ATP10D: variants seen among roughly 807,000 people sequenced by gnomAD.
The protein encoded by ATP10D is ATPase phospholipid transporting 10D (putative).
ATP10D carries 89 observed loss-of-function variants against 144.8 expected under a neutral mutation model. The ratio of observed to expected loss-of-function variants is 0.61; its 90% confidence interval spans 0.52 to 0.73. The LOEUF (loss-of-function observed/expected upper bound fraction) is 0.73, where lower values mean the gene tolerates loss of function less well. Ranked by LOEUF, ATP10D falls within the 30% of genes least tolerant of loss-of-function variation. The probability of loss-of-function intolerance (pLI) is 0.00; values close to 1 mark genes in which losing one functional copy is unlikely to be tolerated. For missense variants in ATP10D, 1,603 were observed against 1,714.8 expected, an observed-to-expected ratio of 0.93 and a Z score of 1.15; for synonymous variants, 571 against 615.1, an observed-to-expected ratio of 0.93 and a Z score of 1.06.
At position 47,525,621 on chromosome 4, in the gene ATP10D, T is replaced by C; in HGVS notation, c.755T>C (p.Leu252Pro). The C allele has an allele frequency of 1.2e-6, 2 of 1,613,216 alleles. No individual in the cohort carries two copies. Among genetic ancestry groups the C allele is most frequent in the Non-Finnish European group, 8.5e-7 (1 of 1,179,232 alleles). The change falls in exon 5 of 23, where the codon CTC (leucine) becomes CCC (proline). Residue 252 changes from leucine to proline, a missense_variant. Transcript: ENST00000273859. ...GAATGTGAAAGCCCAAACAATGACC[T>C]CAGCAGATTCCGAGGCTTCCTGTGA... ...RIECESPNND[L>P]SRFRGFLEHS... is the part of the protein sequence containing the mutation.
intron 9 of ATP10D, among the ~76,000 whole-genome samples, 180 bp from the exon 10 acceptor site, chr4:47,546,444 T>C (rs985115820): frequency 1.3e-5 from 2 of 152,144 alleles, no homozygotes; most frequent in Non-Finnish European, 2.9e-5. Flanking sequence ...TTTGATCTGA[T>C]TGCTTCTCAG....
At chr4:47,506,649 A>AGATTACTGAGGATAGTAGAGTATCT (rs1716034461) in intron 1 of ATP10D, among the ~76,000 whole-genome samples, 1 of 152,210 alleles carries the variant, frequency 6.6e-6, no homozygotes, top group South Asian at 2.1e-4. Flanking sequence ...TAAGGACAGC[A>AGATTACTGAGGATAGTAGAGTATCT]GATTACTGAG....
intron 1 of ATP10D, among the ~76,000 whole-genome samples, chr4:47,493,616 C>G (rs1428011221): frequency 6.6e-6 from 1 of 152,168 alleles, no homozygotes; most frequent in Non-Finnish European, 1.5e-5. Flanking sequence ...TATGAATGAG[C>G]ATCTGCATTC....
intron 10 of ATP10D, among the ~76,000 whole-genome samples, chr4:47,552,020 T>C (rs1718756179): frequency 1.3e-5 from 2 of 152,224 alleles, no homozygotes. Context: ...CCTTAAATCT[T>C]CTGGGCTCTT....
In ATP10D at chr4:47,514,894, T is replaced by TG. The variant is rs999216642; in HGVS notation, c.291-582_291-581insG. Among the ~76,000 whole-genome samples, 17 of 72,532 alleles carry TG rather than the reference T, an allele frequency of 2.3e-4. No homozygotes were observed. The Admixed American group carries it at 2.9e-3, about 12-fold the overall frequency. The allele number at this position is 72,532 out of a possible 152,430, so 47.6% of individuals were successfully genotyped here. On this transcript the variant is annotated intron_variant, in intron 2 of 22. Coordinates refer to ENST00000273859, the MANE Select transcript of ATP10D (RefSeq NM_020453.4). The stretch of plus-strand genomic sequence containing the variant: ...AAGAAAATAGTATTTTCTCTTGTGC[T>TG]TTTTTCTATTTTTTTATTGTGCTCA...
At chr4:47,489,714 C>G (rs888544023) in intron 1 of ATP10D, among the ~76,000 whole-genome samples, 8 of 152,142 alleles carry the variant, frequency 5.3e-5, no homozygotes, top group African/African-American at 1.9e-4. Flanking sequence ...CTGATGAGAA[C>G]ATTTGGATTA....
chr4:47,571,697 G>A (rs1719961720), intron 16 of ATP10D, among the ~76,000 whole-genome samples: 1 of 152,108 alleles, frequency 6.6e-6, no homozygotes, highest in African/African-American at 2.4e-5. Context: ...GAGATACATA[G>A]GGTGGTGCTG....
chr4:47,513,473 C>A (rs1212431440), intron 2 of ATP10D, among the ~76,000 whole-genome samples: 2 of 151,936 alleles, frequency 1.3e-5, no homozygotes, highest in Non-Finnish European at 2.9e-5. Context: ...ATGAAAGCCT[C>A]AAAAAGAGAA....
intron 1 of ATP10D, among the ~76,000 whole-genome samples, chr4:47,489,060 G>A (rs1037584136): frequency 6.6e-6 from 1 of 152,142 alleles, no homozygotes. Flanking sequence ...CAGCCCAAAT[G>A]GACTAAGACG....
chr4:47,573,988 T>C (rs570204742), intron 18 of ATP10D, among the ~76,000 whole-genome samples: 1 of 152,304 alleles, frequency 6.6e-6, no homozygotes, highest in Admixed American at 6.5e-5. Flanking sequence ...TCAGATACTT[T>C]AGGAAAATAT....
intron 4 of ATP10D, among the ~76,000 whole-genome samples, chr4:47,523,693 A>G (rs1347948479): frequency 6.6e-6 from 1 of 152,218 alleles, no homozygotes; most frequent in Non-Finnish European, 1.5e-5. Flanking sequence ...TTACTGTGAG[A>G]CTTTGGACAA....
chr4:47,526,841 C>G (rs1420990349), intron 5 of ATP10D, among the ~76,000 whole-genome samples: 18 of 152,176 alleles, frequency 1.2e-4, no homozygotes, highest in Non-Finnish European at 2.2e-4. Flanking sequence ...CCACTAAACA[C>G]TAGTGAAACA....
chr4:47,485,842 C>CA (rs10622735), intron 1 of ATP10D, among the ~76,000 whole-genome samples: 1 of 11,546 alleles, frequency 8.7e-5, no homozygotes, highest in East Asian at 5.7e-4. Flanking sequence ...TTCTCACACA[C>CA]CTTTGTACAC....
intron 1 of ATP10D, among the ~76,000 whole-genome samples, chr4:47,487,796 A>C (rs763039417): frequency 2.6e-5 from 4 of 152,226 alleles, no homozygotes; most frequent in Non-Finnish European, 5.9e-5. Context: ...ACTCAATAAA[A>C]GGTATATCAA....
chr4:47,536,986 T>C (rs1717891144), intron 9 of ATP10D, 48 bp downstream of exon 9: 9 of 1,548,182 alleles, frequency 5.8e-6, no homozygotes, highest in Admixed American at 2.1e-5. Flanking sequence ...TGGTCTTTTT[T>C]TGAAACCACT....
intron 10 of ATP10D, 40 bp from the exon 11 acceptor site, chr4:47,554,686 A>G (rs367577377): frequency 1.5e-4 from 227 of 1,470,578 alleles, no homozygotes; most frequent in Non-Finnish European, 2.0e-4. Context: ...TAATTTTTAT[A>G]TACTTCTTAT....
intron 1 of ATP10D, among the ~76,000 whole-genome samples, chr4:47,488,612 C>CAAAAAAA (rs56859197): frequency 8.8e-5 from 8 of 91,318 alleles, no homozygotes; most frequent in African/African-American, 1.1e-4. Flanking sequence ...ATATAATAAG[C>CAAAAAAA]AAAAAAAAAA....
At chr4:47,519,220 T>G (rs1716827703) in intron 3 of ATP10D, among the ~76,000 whole-genome samples, 1 of 152,246 alleles carries the variant, frequency 6.6e-6, no homozygotes, top group Non-Finnish European at 1.5e-5. Context: ...TCATTCTTAC[T>G]TCTCCCTTTT....
At chr4:47,502,584 G>A (rs1715761182) in intron 1 of ATP10D, among the ~76,000 whole-genome samples, 1 of 148,054 alleles carries the variant, frequency 6.8e-6, no homozygotes, top group African/African-American at 2.5e-5. Flanking sequence ...ATGATTATAT[G>A]TTTTTAATTA....
Sources: allele counts gnomAD v4.1 joint callset (sites outside exome capture counted in the v4.1 genomes callset), GRCh38; gene constraint gnomAD v4.1.1; transcripts MANE v1.5; gene names NCBI Gene and HGNC (gene_info 2026-07-23, HGNC 2026-07-21).